Variants in GRHL2 observed in about 807,000 individuals in gnomAD.
GRHL2 encodes the protein grainyhead-like protein 2 homolog.
A neutral mutation model predicts 83.8 loss-of-function variants in GRHL2; 21 were observed. That is an observed-to-expected ratio of 0.25 (90% CI 0.18 to 0.36). GRHL2 has a LOEUF of 0.36. GRHL2 is among the 10% of genes least tolerant of loss of function. The probability of loss-of-function intolerance (pLI) is 1.00; values close to 1 mark genes in which losing one functional copy is unlikely to be tolerated. For synonymous variants in GRHL2, 280 were observed against 278.9 expected, an observed-to-expected ratio of 1.00 and a Z score of -0.04; for missense variants, 623 against 781.8, an observed-to-expected ratio of 0.80 and a Z score of 2.42.
chr8:101,565,020 G>T (rs575636501), intron 4 of GRHL2, among the ~76,000 whole-genome samples: 9 of 152,136 alleles, frequency 5.9e-5, no homozygotes, highest in African/African-American at 2.2e-4. Context: ...TGTGTGAAGG[G>T]AAATAATGCT....
intron 1 of GRHL2, among the ~76,000 whole-genome samples, chr8:101,540,145 A>G (rs1187968365): frequency 2.0e-5 from 3 of 152,244 alleles, no homozygotes; most frequent in African/African-American, 7.2e-5. Flanking sequence ...TTTTATGGGA[A>G]CATAAAACTG....
At chr8:101,554,824 G>C (rs1563577739) in intron 3 of GRHL2, among the ~76,000 whole-genome samples, 1 of 150,426 alleles carries the variant, frequency 6.6e-6, no homozygotes, top group African/African-American at 2.4e-5. Context: ...AAATTATATT[G>C]CAGGTAATTT....
intron 14 of GRHL2, among the ~76,000 whole-genome samples, chr8:101,652,438 G>GGTGTGTGTGGT (rs762539143): frequency 0.78 from 50,915 of 65,368 alleles, 21,777 homozygotes; most frequent in Non-Finnish European, 0.87. Flanking sequence ...GTGTGTGTCT[G>GGTGTGTGTGGT]GTGTGTGTGG....
At chr8:101,641,223 A>T (rs1218082666) in intron 12 of GRHL2, among the ~76,000 whole-genome samples, 1 of 152,202 alleles carries the variant, frequency 6.6e-6, no homozygotes, top group Middle Eastern at 3.2e-3. Flanking sequence ...CCCAAAGAGT[A>T]ATTCATTGAA....
At chr8:101,678,596 T>G in the GRHL2 span, among the ~76,000 whole-genome samples, 11 of 151,730 alleles carry the variant, frequency 7.2e-5, no homozygotes, top group African/African-American at 2.7e-4. Context: ...CAAGGAGGCC[T>G]GCCTGCCTCT....
chr8:101,623,712 C>G (rs1586152222), intron 9 of GRHL2, among the ~76,000 whole-genome samples: 1 of 150,968 alleles, frequency 6.6e-6, no homozygotes, highest in Admixed American at 6.6e-5. Flanking sequence ...CACAGTAGGA[C>G]AGTTTACAGT....
chr8:101,517,862 A>G (rs1273894074), intron 1 of GRHL2, among the ~76,000 whole-genome samples: 1 of 152,194 alleles, frequency 6.6e-6, no homozygotes, highest in Non-Finnish European at 1.5e-5. Context: ...CACCTGCTTG[A>G]TATGAGTGAA....
intron 4 of GRHL2, among the ~76,000 whole-genome samples, chr8:101,561,149 G>A (rs755470349): frequency 2.0e-5 from 3 of 149,526 alleles, no homozygotes; most frequent in African/African-American, 5.0e-5. Flanking sequence ...GATTCATTTC[G>A]AAGTAATTTT....
At chr8:101,509,887 C>A (rs1355293810) in intron 1 of GRHL2, among the ~76,000 whole-genome samples, 1 of 152,048 alleles carries the variant, frequency 6.6e-6, no homozygotes, top group Non-Finnish European at 1.5e-5. Context: ...GGAAGTCAAC[C>A]ACTTGCAAGC....
chr8:101,523,736 C>T (rs1327759991), intron 1 of GRHL2, among the ~76,000 whole-genome samples: 4 of 152,102 alleles, frequency 2.6e-5, no homozygotes, highest in Non-Finnish European at 4.4e-5. Context: ...ACCTCAGCCT[C>T]TCAAAATGTT....
At chr8:101,526,521 T>C (rs1489896860) in intron 1 of GRHL2, among the ~76,000 whole-genome samples, 1 of 138,556 alleles carries the variant, frequency 7.2e-6, no homozygotes, top group East Asian at 2.2e-4. Flanking sequence ...ATTTTCTTTT[T>C]TTCCTTTTTT....
chr8:101,632,201 T>C, intron 10 of GRHL2, 25 bp from the exon 11 acceptor site: 1 of 1,613,680 alleles, frequency 6.2e-7, no homozygotes, highest in African/African-American at 1.3e-5. Context: ...CTCTCTCATT[T>C]ATGAGTTTGT....
intron 7 of GRHL2, among the ~76,000 whole-genome samples, chr8:101,595,358 ATGT>A (rs1342554074): frequency 1.3e-5 from 2 of 152,316 alleles, no homozygotes; most frequent in East Asian, 3.9e-4. Flanking sequence ...AAACCTCATA[ATGT>A]TGTAACTCAT....
chr8:101,540,418 A>G (rs930906500), intron 1 of GRHL2, among the ~76,000 whole-genome samples: 2 of 152,182 alleles, frequency 1.3e-5, no homozygotes, highest in Non-Finnish European at 2.9e-5. Context: ...GTGTTTTCTC[A>G]TGTATTCCAA....
At chr8:101,558,911 C>A (rs1031958096) in intron 4 of GRHL2, 99 bp downstream of exon 4, 121 of 1,264,876 alleles carry the variant, frequency 9.6e-5, no homozygotes, top group Middle Eastern at 3.9e-4. Context: ...AATTAAACAG[C>A]AAGTTTTAGC....
At chr8:101,529,564 G>T (rs909678140) in intron 1 of GRHL2, 1 of 240,718 alleles carries the variant, frequency 4.2e-6, no homozygotes, top group Non-Finnish European at 8.4e-6. Flanking sequence ...CGTCTTGGTC[G>T]CCATCTTGTT....
chr8:101,598,543 A>G (rs1812443218), intron 7 of GRHL2, among the ~76,000 whole-genome samples: 1 of 151,392 alleles, frequency 6.6e-6, no homozygotes, highest in African/African-American at 2.4e-5. Flanking sequence ...CCCGGCCCCA[A>G]AAGGAAATTT....
chr8:101,560,239 G>C (rs1381637327), intron 4 of GRHL2, among the ~76,000 whole-genome samples: 1 of 152,136 alleles, frequency 6.6e-6, no homozygotes, highest in Non-Finnish European at 1.5e-5. Context: ...CATGTTGTCA[G>C]GCTGGTCTTG....
At chr8:101,651,028 G>A (rs1418093279) in intron 14 of GRHL2, among the ~76,000 whole-genome samples, 1 of 151,982 alleles carries the variant, frequency 6.6e-6, no homozygotes, top group East Asian at 1.9e-4. Flanking sequence ...TGTTGTTACT[G>A]GATCTGCCTC....
Sources: gnomAD v4.1 joint callset for allele counts (sites outside exome capture counted in the v4.1 genomes callset) on GRCh38, gnomAD v4.1.1 for gene constraint, MANE v1.5 for transcripts, NCBI Gene and HGNC (gene_info 2026-07-23, HGNC 2026-07-21) for gene names.